NRG3: variants seen among roughly 807,000 people sequenced by gnomAD.
NRG3 encodes the protein neuregulin 3, also known as pro-neuregulin-3, membrane-bound isoform.
A neutral mutation model predicts 66.9 loss-of-function variants in NRG3; 31 were observed. That is an observed-to-expected ratio of 0.46 (90% CI 0.35 to 0.63). The LOEUF (loss-of-function observed/expected upper bound fraction) is 0.63, where lower values mean the gene tolerates loss of function less well. Among genes scored for constraint, NRG3 ranks in the 20% least tolerant of loss-of-function variants. The pLI is 0.00. For missense variants in NRG3, 910 were observed against 878.9 expected (o/e 1.04, Z -0.45); for synonymous variants, 393 against 359.4 (o/e 1.09, Z -1.06).
intron 1 of NRG3, among the ~76,000 whole-genome samples, chr10:81,960,586 G>A (rs1039203774): frequency 1.3e-5 from 2 of 151,680 alleles, no homozygotes; most frequent in African/African-American, 4.8e-5. Flanking sequence ...GAATTTGTCT[G>A]TTCCACTTAG....
At chr10:82,829,461 C>T (rs2062405389) in intron 3 of NRG3, among the ~76,000 whole-genome samples, 1 of 152,130 alleles carries the variant, frequency 6.6e-6, no homozygotes, top group Non-Finnish European at 1.5e-5. Context: ...ATAATCAAAG[C>T]CCCAGAGATG....
At chr10:82,442,043 G>A (rs79415796) in intron 2 of NRG3, among the ~76,000 whole-genome samples, 4,253 of 152,250 alleles carry the variant, frequency 0.028, 87 homozygotes, top group South Asian at 0.048. Flanking sequence ...TTACAGAGAT[G>A]GTGATGATGC....
chr10:82,896,825 G>C (rs574846065), intron 4 of NRG3, among the ~76,000 whole-genome samples: 58 of 152,318 alleles, frequency 3.8e-4, no homozygotes, highest in African/African-American at 1.3e-3. Flanking sequence ...GGGACTAGTT[G>C]AAATGTCTGT....
At chr10:82,442,581 G>A (rs1296714044) in intron 2 of NRG3, among the ~76,000 whole-genome samples, 1 of 152,110 alleles carries the variant, frequency 6.6e-6, no homozygotes, top group Non-Finnish European at 1.5e-5. Flanking sequence ...CTGGAGTTCA[G>A]AGAGGAATTG....
chr10:82,553,672 G>A (rs532576012), intron 2 of NRG3, among the ~76,000 whole-genome samples: 30 of 152,214 alleles, frequency 2.0e-4, no homozygotes, highest in African/African-American at 7.0e-4. Context: ...CTGGGAGCTG[G>A]TGCTCGGAAT....
chr10:81,957,415 C>A (rs1319004301), intron 1 of NRG3, among the ~76,000 whole-genome samples: 1 of 152,086 alleles, frequency 6.6e-6, no homozygotes, highest in African/African-American at 2.4e-5. Context: ...CATGACTCTG[C>A]CCCCCATTTA....
Position 82,013,583 on chromosome 10 carries a change from A to T in NRG3, c.823+137420A>T, listed in dbSNP as rs530578398. On this transcript the variant is annotated intron_variant, in intron 1 of 8. Coordinates refer to ENST00000372141, the MANE Select transcript of NRG3 (RefSeq NM_001010848.4). ...TTAAGTATTCATGTCAGAAAAAAAT[A>T]TTTCAGTGAATAAGTTTCAGAAATT... Among the ~76,000 whole-genome samples, 58 of 152,264 alleles carry T rather than the reference A, an allele frequency of 3.8e-4. No homozygotes were observed. The South Asian group carries it at 7.5e-3, about 20-fold the overall frequency.
chr10:82,060,242 A>G lies in NRG3; in HGVS notation c.823+184079A>G, dbSNP rs981464574. ...TGAGCATTTCCTTTATTGTCTTCACAACAATTAATAAGGACAAGCACAATG... is the reference window on the plus strand; with the variant it reads ...TGAGCATTTCCTTTATTGTCTTCACGACAATTAATAAGGACAAGCACAATG... On this transcript the variant is annotated intron_variant, in intron 1 of 8. Transcript: ENST00000372141. 2.0e-5 allele frequency among the ~76,000 whole-genome samples: 3 copies of G among 152,222 alleles called. No homozygotes were observed. In the South Asian group the frequency reaches 6.2e-4, roughly 32 times the overall value.
At position 82,577,975 on chromosome 10, in the gene NRG3, G is replaced by C. The variant is rs2046130725; in HGVS notation, c.954-160602G>C. 2.6e-5 allele frequency among the ~76,000 whole-genome samples: 4 copies of C among 151,482 alleles called. No individual in the cohort carries two copies. The South Asian group carries it at 8.3e-4, about 31-fold the overall frequency. On this transcript the variant is annotated intron_variant, in intron 2 of 8. Transcript: ENST00000372141. ...TCTAGTGAAAGTCTTTATTTCCATG[G>C]TAACCATAATATGCTCTAAGTATCT...
At chr10:81,975,745 T>C (rs1375487830) in intron 1 of NRG3, among the ~76,000 whole-genome samples, 4 of 152,244 alleles carry the variant, frequency 2.6e-5, no homozygotes, top group South Asian at 4.1e-4. Context: ...TTATGTTACA[T>C]GTCAAGGGAA....
intron 3 of NRG3, among the ~76,000 whole-genome samples, chr10:82,828,638 T>A (rs2062364572): frequency 6.6e-6 from 1 of 152,232 alleles, no homozygotes; most frequent in Non-Finnish European, 1.5e-5. Flanking sequence ...GACATTTGTT[T>A]GAATTTTACC....
intron 1 of NRG3, among the ~76,000 whole-genome samples, chr10:82,011,395 A>G (rs927581409): frequency 1.3e-5 from 2 of 152,110 alleles, no homozygotes; most frequent in Non-Finnish European, 2.9e-5. Context: ...ATTCAAGGTG[A>G]TATTTGGGTG....
chr10:82,824,387 AGGTGAAATTGCTGAGTTATAT>A (rs1353385956), intron 3 of NRG3, among the ~76,000 whole-genome samples: 1 of 152,178 alleles, frequency 6.6e-6, no homozygotes, highest in African/African-American at 2.4e-5. Context: ...ATATACCCAG[AGGTGAAATTGCTGAGTTATAT>A]GGTAGCTTTA....
At chr10:81,971,067 G>A (rs1334189222) in intron 1 of NRG3, among the ~76,000 whole-genome samples, 3 of 152,164 alleles carry the variant, frequency 2.0e-5, no homozygotes, top group African/African-American at 7.2e-5. Flanking sequence ...TTGAACCTGG[G>A]AGGCAGAGGT....
At chr10:81,984,492 C>G (rs2060449718) in intron 1 of NRG3, among the ~76,000 whole-genome samples, 2 of 152,194 alleles carry the variant, frequency 1.3e-5, no homozygotes, top group Admixed American at 6.5e-5. Context: ...CAGCCTCACT[C>G]CTTCCAAACT....
chr10:82,222,814 A>G (rs1556731), intron 1 of NRG3, among the ~76,000 whole-genome samples: 16,443 of 152,172 alleles, frequency 0.11, 964 homozygotes, highest in Middle Eastern at 0.18. Context: ...TCAGTGCCCC[A>G]ATGTGGATTT....
intron 2 of NRG3, among the ~76,000 whole-genome samples, chr10:82,526,446 G>A (rs1846705613): frequency 6.6e-6 from 1 of 151,786 alleles, no homozygotes; most frequent in Non-Finnish European, 1.5e-5. Flanking sequence ...GTTAAAAACA[G>A]ATTATCAGAT....
intron 1 of NRG3, among the ~76,000 whole-genome samples, chr10:81,903,996 ATTTTTT>A (rs555278247): frequency 2.2e-5 from 2 of 91,982 alleles, no homozygotes; most frequent in African/African-American, 9.5e-5. Flanking sequence ...ATATATATAT[ATTTTTT>A]TTTTTTGTTT....
intron 2 of NRG3, among the ~76,000 whole-genome samples, chr10:82,476,350 G>A (rs1306059584): frequency 2.0e-5 from 3 of 152,152 alleles, no homozygotes; most frequent in Non-Finnish European, 2.9e-5. Flanking sequence ...AATTTCACTT[G>A]TAGGTATATA....
Sources: gnomAD v4.1 joint callset for allele counts (sites outside exome capture counted in the v4.1 genomes callset) on GRCh38, gnomAD v4.1.1 for gene constraint, MANE v1.5 for transcripts, NCBI Gene and HGNC (gene_info 2026-07-23, HGNC 2026-07-21) for gene names.